PDZD8: variants seen among roughly 807,000 people sequenced by gnomAD.
PDZD8 encodes the protein PDZ domain containing 8.
A neutral mutation model predicts 85.8 loss-of-function variants in PDZD8; 14 were observed. The observed-to-expected ratio is 0.16, with a 90% CI of 0.11 to 0.26. The LOEUF (loss-of-function observed/expected upper bound fraction) is 0.26. Ranked by LOEUF, PDZD8 falls within the 10% of genes least tolerant of loss-of-function variation. The pLI is 1.00. For synonymous variants in PDZD8, 592 were observed against 568.6 expected (o/e 1.04, Z -0.59); for missense variants, 1,197 against 1,424.3 (o/e 0.84, Z 2.57).
In PDZD8 at chr10:117,375,013, G is replaced by T; in HGVS notation, c.215C>A (p.Ala72Glu). The T allele has an allele frequency of 6.3e-7, 1 of 1,585,004 alleles. No homozygotes were observed. The highest frequency in any genetic ancestry group is 8.6e-7 in the Non-Finnish European group (1 of 1,166,110). Residue 72 changes from alanine to glutamate, a missense_variant, in exon 1 of 5, where the codon GCG becomes GAG. By Grantham distance (107) the Ala-to-Glu change is moderately radical (BLOSUM62 -1). This residue lies in a region of PDZD8 where 172 missense variants were observed against 137.8 expected (regional missense o/e 1.25). Coordinates refer to ENST00000334464, the MANE Select transcript of PDZD8 (RefSeq NM_173791.5). ...GGGGGTCGCGCCGCCCTCAGGGGCC[G>T]CTCCGGAGGGCTCCTCATCCCGGCC... ...GGGRDEEPSG[A>E]APEGGATPTA... is the part of the protein sequence containing the mutation.
At chr10:117,336,409 T>C (rs1015603738) in intron 2 of PDZD8, among the ~76,000 whole-genome samples, 2 of 152,214 alleles carry the variant, frequency 1.3e-5, no homozygotes, top group African/African-American at 4.8e-5. Flanking sequence ...TATGAATATA[T>C]GAAGTAGCAA....
At chr10:117,335,495 C>T (rs1844500943) in intron 2 of PDZD8, among the ~76,000 whole-genome samples, 1 of 152,172 alleles carries the variant, frequency 6.6e-6, no homozygotes, top group African/African-American at 2.4e-5. Flanking sequence ...AAAAATAACA[C>T]CACTGATGGT....
Position 117,285,289 on chromosome 10 carries a change from C to A in PDZD8, c.1444G>T (p.Ala482Ser), listed in dbSNP as rs151173634. 1 of 1,614,060 alleles carries A rather than the reference C, an allele frequency of 6.2e-7. No individual in the cohort carries two copies. Among genetic ancestry groups the A allele is most frequent in the Admixed American group, 1.7e-5 (1 of 60,000 alleles). Residue 482 changes from alanine (A) to serine (S), a missense_variant, in exon 5 of 5, where the codon GCT becomes TCT. Ala to Ser is a moderately conservative substitution (Grantham distance 99, BLOSUM62 1). This residue lies in a region of PDZD8 where 263 missense variants were observed against 261.9 expected (regional missense o/e 1.00). Coordinates refer to ENST00000334464, the MANE Select transcript of PDZD8 (RefSeq NM_173791.5). ...TCAGTATCTACTGTCAACCCGGCAG[C>A]TTCCTCTTCATAACCCGATTGGCAT... ...SSCQSGYEEE[A>S]AGLTVDTESR...
At chr10:117,332,340 T>A (rs1844432115) in intron 2 of PDZD8, among the ~76,000 whole-genome samples, 1 of 152,160 alleles carries the variant, frequency 6.6e-6, no homozygotes. Flanking sequence ...TAAAAAATAC[T>A]TCATTATTAT....
intron 1 of PDZD8, among the ~76,000 whole-genome samples, chr10:117,348,428 T>A (rs1014141737): frequency 6.6e-6 from 1 of 152,114 alleles, no homozygotes; most frequent in East Asian, 1.9e-4. Context: ...CAGTAAGAGA[T>A]CTAGTAAATG....
chr10:117,314,954 A>G (rs1385111887), intron 3 of PDZD8, among the ~76,000 whole-genome samples: 1 of 152,238 alleles, frequency 6.6e-6, no homozygotes, highest in Admixed American at 6.5e-5. Flanking sequence ...TAGGGTTAGC[A>G]TCAGAAAATG....
chr10:117,285,542 T>G, intron 4 of PDZD8, 71 bp from the exon 5 acceptor site: 1 of 1,282,422 alleles, frequency 7.8e-7, no homozygotes, highest in Non-Finnish European at 1.0e-6. Context: ...GTTAAATGTA[T>G]TTAATTAAAT....
intron 3 of PDZD8, among the ~76,000 whole-genome samples, chr10:117,313,818 A>C (rs1844078816): frequency 6.6e-6 from 1 of 152,154 alleles, no homozygotes; most frequent in Non-Finnish European, 1.5e-5. Context: ...GAAGTAAACA[A>C]AGACTCACTG....
chr10:117,299,056 G>A (rs557173295), intron 3 of PDZD8, among the ~76,000 whole-genome samples: 10 of 152,214 alleles, frequency 6.6e-5, no homozygotes, highest in African/African-American at 2.4e-4. Context: ...CTGGGTTTCA[G>A]TCCGTAGTTG....
intron 1 of PDZD8, among the ~76,000 whole-genome samples, chr10:117,371,951 A>G (rs896817081): frequency 6.6e-6 from 1 of 151,208 alleles, no homozygotes; most frequent in Non-Finnish European, 1.5e-5. Flanking sequence ...CTCAACAAAC[A>G]AACGAAAAAC....
At position 117,322,366 on chromosome 10, in the gene PDZD8, C is replaced by T. The variant is rs190989951; in HGVS notation, c.996-3392G>A. 3.9e-5 allele frequency among the ~76,000 whole-genome samples: 6 copies of T among 152,160 alleles called. No homozygotes were observed. In the East Asian group the frequency reaches 5.8e-4, roughly 15 times the overall value. ...GATCCTCTGTCTTCCTCAGGAAGCC[C>T]GGAAAATTGTTTTCTTTTGCTTTGC... is the stretch of plus-strand genomic sequence containing the variant. On this transcript the variant is annotated intron_variant, in intron 2 of 4. Transcript: ENST00000334464.
At chr10:117,314,716 C>T (rs1419926255) in intron 3 of PDZD8, among the ~76,000 whole-genome samples, 1 of 152,198 alleles carries the variant, frequency 6.6e-6, no homozygotes, top group Non-Finnish European at 1.5e-5. Context: ...TGCCCATGTA[C>T]TTTAAACAAG....
intron 2 of PDZD8, among the ~76,000 whole-genome samples, chr10:117,331,807 C>G (rs1199739306): frequency 1.3e-5 from 2 of 151,986 alleles, no homozygotes; most frequent in Non-Finnish European, 2.9e-5. Flanking sequence ...TGGAGGTATA[C>G]AATTACAAAA....
intron 1 of PDZD8, among the ~76,000 whole-genome samples, chr10:117,373,319 G>T (rs1270025960): frequency 1.3e-5 from 2 of 152,110 alleles, no homozygotes. Flanking sequence ...CTTGAGAGAA[G>T]AACTTACAGT....
intron 1 of PDZD8, among the ~76,000 whole-genome samples, chr10:117,373,799 A>C (rs187206242): frequency 0.022 from 3,350 of 151,866 alleles, 111 homozygotes; most frequent in African/African-American, 0.074. Context: ...AACAAAAAAA[A>C]CCCACAAAAG....
chr10:117,307,920 T>C (rs1303067130), intron 3 of PDZD8, among the ~76,000 whole-genome samples: 1 of 151,936 alleles, frequency 6.6e-6, no homozygotes, highest in Non-Finnish European at 1.5e-5. Flanking sequence ...TACCTTCAAT[T>C]AGTATATTAT....
intron 2 of PDZD8, among the ~76,000 whole-genome samples, chr10:117,332,771 T>A (rs1191686888): frequency 1.3e-5 from 2 of 150,964 alleles, no homozygotes; most frequent in East Asian, 4.1e-4. Context: ...CCTCCCAAAG[T>A]GCTGGGATTA....
Position 117,375,035 on chromosome 10 carries a change from G to A in PDZD8, c.193C>T (p.Arg65Trp). Residue 65 changes from arginine (R) to tryptophan (W), a missense_variant, in exon 1 of 5, where the codon CGG (arginine) becomes TGG (tryptophan). Transcript: ENST00000334464. Reference protein sequence around the residue: ...LLREYLYGGGRDEEPSGAAPE... With the variant: ...LLREYLYGGGWDEEPSGAAPE... ...GCCGCTCCGGAGGGCTCCTCATCCCGGCCGCCGCCATAAAGGTACTCCCTT... is the reference window on the plus strand; with the variant it reads ...GCCGCTCCGGAGGGCTCCTCATCCCAGCCGCCGCCATAAAGGTACTCCCTT... The A allele has an allele frequency of 1.3e-6, 2 of 1,591,008 alleles. No homozygotes were observed. The highest frequency in any genetic ancestry group is 1.7e-6 in the Non-Finnish European group (2 of 1,169,834).
chr10:117,367,151 C>T (rs61865312), intron 1 of PDZD8, among the ~76,000 whole-genome samples: 33,105 of 152,166 alleles, frequency 0.22, 4,061 homozygotes, highest in Middle Eastern at 0.34. Context: ...TGAATCACAC[C>T]TGTAATCCCA....
Sources: gnomAD v4.1 joint callset for allele counts (sites outside exome capture counted in the v4.1 genomes callset) on GRCh38, gnomAD v4.1.1 for gene constraint, gnomAD v4.1.1 regional missense constraint, MANE v1.5 for transcripts, NCBI Gene and HGNC (gene_info 2026-07-23, HGNC 2026-07-21) for gene names.